PRKCB: variants seen among roughly 807,000 people sequenced by gnomAD.
PRKCB encodes protein kinase C beta type.
Under a neutral mutation model 81.5 loss-of-function variants are expected in PRKCB, and 13 were observed. The observed-to-expected ratio is 0.16, with a 90% CI of 0.10 to 0.25. The LOEUF is 0.25. Among genes scored for constraint, PRKCB ranks in the 10% least tolerant of loss-of-function variants. PRKCB has a pLI of 1.00. For synonymous variants in PRKCB, 335 were observed against 321.4 expected, an observed-to-expected ratio of 1.04 and a Z score of -0.45; for missense variants, 509 against 875.7, an observed-to-expected ratio of 0.58 and a Z score of 5.29.
At chr16:23,840,460 C>T (rs1273140294) in intron 2 of PRKCB, among the ~76,000 whole-genome samples, 2 of 152,116 alleles carry the variant, frequency 1.3e-5, no homozygotes, top group South Asian at 2.1e-4. Flanking sequence ...AGCACATGCT[C>T]GGTGTCACTT....
intron 2 of PRKCB, among the ~76,000 whole-genome samples, chr16:23,884,160 AAG>A (rs1963164707): frequency 6.6e-6 from 1 of 152,314 alleles, no homozygotes; most frequent in East Asian, 1.9e-4. Flanking sequence ...TAGATGAGGA[AAG>A]AGAGTCTCAG....
intron 5 of PRKCB, among the ~76,000 whole-genome samples, chr16:24,085,759 G>A (rs2141895837): frequency 1.3e-5 from 2 of 152,316 alleles, no homozygotes; most frequent in Middle Eastern, 6.8e-3. Context: ...AACCGTGTCT[G>A]CCTGACTCTG....
intron 2 of PRKCB, among the ~76,000 whole-genome samples, chr16:23,933,960 TCATC>T (rs10580054): frequency 0.54 from 70,611 of 129,720 alleles, 18,931 homozygotes; most frequent in Admixed American, 0.63. Flanking sequence ...TCCACCTACC[TCATC>T]CATCCATCCA....
chr16:23,941,106 G>A (rs1222448689), intron 2 of PRKCB, among the ~76,000 whole-genome samples: 1 of 152,142 alleles, frequency 6.6e-6, no homozygotes, highest in Non-Finnish European at 1.5e-5. Flanking sequence ...GGACTAGATA[G>A]TAAATATTTT....
chr16:24,108,938 G>GGC (rs1966620998), intron 7 of PRKCB, among the ~76,000 whole-genome samples: 1 of 147,630 alleles, frequency 6.8e-6, no homozygotes, highest in African/African-American at 2.6e-5. Context: ...GCCGGGCAGA[G>GGC]GCGCCCCTCA....
At chr16:23,947,255 C>G (rs1964215327) in intron 2 of PRKCB, among the ~76,000 whole-genome samples, 1 of 152,204 alleles carries the variant, frequency 6.6e-6, no homozygotes, top group Non-Finnish European at 1.5e-5. Context: ...CCCATGACCT[C>G]TAAGACTGCT....
At chr16:24,114,976 C>T (rs879070970) in intron 8 of PRKCB, among the ~76,000 whole-genome samples, 14 of 151,982 alleles carry the variant, frequency 9.2e-5, no homozygotes, top group Admixed American at 5.2e-4. Flanking sequence ...AGGAAGGAAA[C>T]AGCAATGGAA....
intron 2 of PRKCB, among the ~76,000 whole-genome samples, chr16:23,973,650 G>C (rs968448099): frequency 4.6e-5 from 7 of 152,028 alleles, no homozygotes; most frequent in Non-Finnish European, 8.8e-5. Flanking sequence ...CGTCAGGACA[G>C]AAGTGATATT....
intron 3 of PRKCB, among the ~76,000 whole-genome samples, chr16:24,004,014 A>G (rs1965078652): frequency 1.3e-5 from 2 of 152,228 alleles, no homozygotes; most frequent in Non-Finnish European, 2.9e-5. Context: ...TGTCACGGAC[A>G]TTATGCATTC....
chr16:24,045,510 C>T (rs1965752933), intron 5 of PRKCB, among the ~76,000 whole-genome samples: 1 of 152,202 alleles, frequency 6.6e-6, no homozygotes. Context: ...GCCCCCTGCC[C>T]TCCCAGGCCC....
At chr16:23,959,785 G>T (rs1407486578) in intron 2 of PRKCB, among the ~76,000 whole-genome samples, 1 of 152,130 alleles carries the variant, frequency 6.6e-6, no homozygotes, top group Non-Finnish European at 1.5e-5. Context: ...GTGTTTATTG[G>T]CACGATCTTG....
At chr16:24,149,259 T>G (rs1395855209) in intron 9 of PRKCB, among the ~76,000 whole-genome samples, 1 of 152,248 alleles carries the variant, frequency 6.6e-6, no homozygotes. Flanking sequence ...GTTCAGAGAC[T>G]CTGGCTCTGA....
At chr16:24,060,963 TTTCTC>T (rs1490850792) in intron 5 of PRKCB, among the ~76,000 whole-genome samples, 4 of 152,264 alleles carry the variant, frequency 2.6e-5, no homozygotes, top group Non-Finnish European at 5.9e-5. Flanking sequence ...GTTTGTATCT[TTTCTC>T]TAAAATATAA....
At position 24,217,784 on chromosome 16, in the gene PRKCB, T is replaced by C. The variant is rs1968253659; in HGVS notation, c.*2968T>C. ...GGGGAGACCTAAAAAAAAGGCAGCT[T>C]TGTGTCTTCTAGCTCCAAATATACC... On this transcript the variant is annotated 3_prime_UTR_variant, in exon 17 of 17. Coordinates refer to ENST00000643927, the MANE Select transcript of PRKCB (RefSeq NM_002738.7). The C allele has an allele frequency of 1.0e-6, 1 of 985,340 alleles. No homozygotes were observed. Among genetic ancestry groups the C allele is most frequent in the African/African-American group, 1.7e-5 (1 of 57,296 alleles). 61.0% of individuals were successfully genotyped at this position (985,340 alleles called of 1,614,324 possible). A position where few individuals can be genotyped will look rare whatever the true frequency, so the allele number is the denominator to read the frequency against.
chr16:23,983,388 T>C (rs1175831758), intron 2 of PRKCB, among the ~76,000 whole-genome samples: 4 of 152,160 alleles, frequency 2.6e-5, no homozygotes, highest in Non-Finnish European at 5.9e-5. Flanking sequence ...ACTTGGCCTA[T>C]TGATTCTGCC....
At chr16:23,982,306 TTTCCCTTCCCTTTCCCTTCCCC>T (rs1964747728) in intron 2 of PRKCB, among the ~76,000 whole-genome samples, 1 of 59,936 alleles carries the variant, frequency 1.7e-5, no homozygotes, top group African/African-American at 6.8e-5. Context: ...TTCCCTTCCC[TTTCCCTTCCCTTTCCCTTCCCC>T]TTCCCTTTCC....
chr16:24,191,976 G>A (rs113823823), intron 16 of PRKCB, among the ~76,000 whole-genome samples: 7 of 152,188 alleles, frequency 4.6e-5, no homozygotes, highest in African/African-American at 1.4e-4. Context: ...CTGCTGGGAG[G>A]ATATTTCCTT....
At chr16:24,081,306 C>G (rs560235373) in intron 5 of PRKCB, among the ~76,000 whole-genome samples, 1 of 150,888 alleles carries the variant, frequency 6.6e-6, no homozygotes, top group Non-Finnish European at 1.5e-5. Context: ...TATTAATAAT[C>G]TAAAGAAAGA....
At chr16:23,956,454 A>G (rs1964350714) in intron 2 of PRKCB, among the ~76,000 whole-genome samples, 1 of 152,170 alleles carries the variant, frequency 6.6e-6, no homozygotes, top group Non-Finnish European at 1.5e-5. Flanking sequence ...TAATTTGTCT[A>G]AAACATTAGC....
Sources: allele counts gnomAD v4.1 joint callset (sites outside exome capture counted in the v4.1 genomes callset), GRCh38; gene constraint gnomAD v4.1.1; transcripts MANE v1.5; gene names NCBI Gene and HGNC (gene_info 2026-07-23, HGNC 2026-07-21).